Variants in DMXL1 observed in about 807,000 individuals in gnomAD.
DMXL1 encodes dmX-like protein 1.
In DMXL1, 99 loss-of-function variants were observed where a neutral mutation model predicts 319.2. The ratio of observed to expected loss-of-function variants is 0.31; its 90% CI spans 0.26 to 0.37. The LOEUF (loss-of-function observed/expected upper bound fraction) is 0.37, where lower values mean the gene tolerates loss of function less well. DMXL1 is among the 10% of genes least tolerant of loss of function. The probability of loss-of-function intolerance (pLI) is 1.00; values close to 1 mark genes in which losing one functional copy is unlikely to be tolerated. For synonymous variants in DMXL1, 1,385 were observed against 1,235.2 expected (o/e 1.12, Z -2.54); for missense variants, 3,745 against 3,595.6 (o/e 1.04, Z -1.06).
At chr5:119,126,732 A>C (rs1278664038) in intron 9 of DMXL1, 1 of 153,826 alleles carries the variant, frequency 6.5e-6, no homozygotes, top group African/African-American at 2.4e-5. Flanking sequence ...CAACTAATGC[A>C]TAACTGGTGG....
intron 13 of DMXL1, among the ~76,000 whole-genome samples, chr5:119,141,247 C>T (rs1322381160): frequency 6.6e-6 from 1 of 152,076 alleles, no homozygotes; most frequent in Non-Finnish European, 1.5e-5. Context: ...ATTGGAAGTG[C>T]TGGCCACAGC....
intron 8 of DMXL1, 129 bp from the exon 9 acceptor site, chr5:119,120,842 G>A (rs1761881634): frequency 4.7e-6 from 3 of 643,090 alleles, no homozygotes; most frequent in Admixed American, 7.0e-5. Flanking sequence ...ATGTTAAAAG[G>A]CGTTTTTACA....
chr5:119,119,546 T>C (rs1337294714), intron 8 of DMXL1, among the ~76,000 whole-genome samples: 6 of 151,986 alleles, frequency 3.9e-5, no homozygotes, highest in Admixed American at 3.9e-4. Context: ...TTTTTTTTTT[T>C]TTTTTCTGAG....
In DMXL1 at chr5:119,166,854, T is replaced by A. The variant is rs536763513; in HGVS notation, c.5136+73T>A. Reference sequence around the variant, plus strand: ...AAGCTCCTTAGTGCTTAAATTTTTATTTTTTTAAATTCAACTTTATTGGAA... The same window carrying A: ...AAGCTCCTTAGTGCTTAAATTTTTAATTTTTTAAATTCAACTTTATTGGAA... On this transcript the variant is annotated intron_variant, in intron 22 of 43. Transcript: ENST00000539542. 5.0e-4 allele frequency: 609 copies of A among 1,225,786 alleles called. 3 individuals carry two copies. The African/African-American group carries it at 7.7e-3, about 15-fold the overall frequency. The allele number at this position is 1,225,786 out of a possible 1,614,324, so 75.9% of individuals were successfully genotyped here. A position where few individuals can be genotyped will look rare whatever the true frequency, so the allele number is the denominator to read the frequency against.
chr5:119,141,815 TAAAA>T (rs1767417050), intron 13 of DMXL1, among the ~76,000 whole-genome samples: 1 of 151,614 alleles, frequency 6.6e-6, no homozygotes, highest in African/African-American at 2.4e-5. Flanking sequence ...AAGGCAATCG[TAAAA>T]AAAAGAACAG....
At chr5:119,179,328 A>G (rs564003698) in intron 28 of DMXL1, among the ~76,000 whole-genome samples, 35 of 147,816 alleles carry the variant, frequency 2.4e-4, no homozygotes, top group African/African-American at 1.5e-4. Flanking sequence ...AAAAAGCCCT[A>G]TGCATACATT....
chr5:119,131,832 T>C (rs1342106459), intron 10 of DMXL1, among the ~76,000 whole-genome samples: 11 of 152,226 alleles, frequency 7.2e-5, no homozygotes, highest in Admixed American at 5.2e-4. Context: ...CCATTTCTTA[T>C]TAATATGAAA....
chr5:119,202,885 T>TTTTA (rs1554139436), intron 32 of DMXL1, among the ~76,000 whole-genome samples: 15 of 130,772 alleles, frequency 1.1e-4, no homozygotes, highest in Non-Finnish European at 1.7e-4. Context: ...ATATATATTT[T>TTTTA]TATATATATA....
intron 8 of DMXL1, among the ~76,000 whole-genome samples, chr5:119,119,434 A>G (rs959046520): frequency 3.3e-5 from 5 of 152,138 alleles, no homozygotes; most frequent in African/African-American, 1.2e-4. Flanking sequence ...GTAAAAGTCA[A>G]TTTTTGATTT....
At chr5:119,103,995 A>G (rs1259016524) in intron 3 of DMXL1, 1 of 152,248 alleles carries the variant, frequency 6.6e-6, no homozygotes, top group Non-Finnish European at 1.5e-5. Flanking sequence ...TTGATGAAGA[A>G]GGGCAAAAGT....
Position 119,244,530 on chromosome 5 carries a change from C to G in DMXL1, c.8876C>G (p.Pro2959Arg). Residue 2959 changes from proline (P) to arginine (R), a missense_variant, in exon 43 of 44, where the codon CCA becomes CGA. By Grantham distance (103) the Pro-to-Arg change is moderately radical. Coordinates refer to ENST00000539542, the MANE Select transcript of DMXL1 (RefSeq NM_001290321.3). ...CCTGTTAAAGCCGTTGCTGTTGATC[C>G]AACTGAAGAGTACTTTGTTACAGGA... ...DSPVKAVAVDPTEEYFVTGSA... is the reference protein window; with the variant it reads ...DSPVKAVAVDRTEEYFVTGSA... The G allele has an allele frequency of 3.1e-6, 5 of 1,614,076 alleles. No homozygotes were observed. Among genetic ancestry groups the G allele is most frequent in the Non-Finnish European group, 4.2e-6 (5 of 1,179,974 alleles).
At chr5:119,165,873 G>A (rs998435154) in intron 21 of DMXL1, among the ~76,000 whole-genome samples, 3 of 152,226 alleles carry the variant, frequency 2.0e-5, no homozygotes, top group African/African-American at 7.2e-5. Context: ...AATTCAAGAT[G>A]AGATTTGGGT....
rs1762632904 is a variant in DMXL1, at chr5:119,123,260, C to T, written c.1102+2121C>T. Among the ~76,000 whole-genome samples the T allele has an allele frequency of 2.0e-5, 3 of 151,154 alleles. No homozygotes were observed. The South Asian group carries it at 6.3e-4, about 32-fold the overall frequency. ...TGAGCCGAGATGGCGGCAGTACAGT[C>T]CAGCTTCGGCTCGGCATCAGAGGGA... On this transcript the variant is annotated intron_variant, in intron 9 of 43. Transcript: ENST00000539542.
chr5:119,148,620 C>T (rs1769099586), intron 17 of DMXL1, 119 bp from the exon 18 acceptor site: 2 of 944,716 alleles, frequency 2.1e-6, no homozygotes, highest in Non-Finnish European at 3.2e-6. Context: ...AGCCAAGATG[C>T]CCCTTTGATT....
At chr5:119,192,795 A>G (rs977266149) in intron 29 of DMXL1, among the ~76,000 whole-genome samples, 1 of 151,942 alleles carries the variant, frequency 6.6e-6, no homozygotes, top group African/African-American at 2.4e-5. Flanking sequence ...TGACACATAA[A>G]TCTTGGTCTT....
Position 119,177,996 on chromosome 5 carries a change from G to A in DMXL1, c.6887G>A (p.Gly2296Glu), listed in dbSNP as rs1370011405. The A allele has an allele frequency of 1.3e-6, 2 of 1,595,682 alleles. No homozygotes were observed. Among genetic ancestry groups the A allele is most frequent in the Non-Finnish European group, 1.7e-6 (2 of 1,168,942 alleles). The change falls in exon 28 of 44, where the codon GGA becomes GAA. Residue 2296 changes from glycine to glutamate, a missense_variant and splice_region_variant. Physicochemically the swap from Gly to Glu is moderately conservative, Grantham distance 98. Coordinates refer to ENST00000539542, the MANE Select transcript of DMXL1 (RefSeq NM_001290321.3). Reference protein sequence around the residue: ...TPNTSPAQWPGITCLIRLLNS... With the variant: ...TPNTSPAQWPEITCLIRLLNS... ...CAGCTATGTTTGTTTGTCGTTCTAG[G>A]AATAACTTGTCTAATTCGACTTTTG...
chr5:119,239,863 A>G (rs911177087), intron 41 of DMXL1, among the ~76,000 whole-genome samples: 1 of 151,278 alleles, frequency 6.6e-6, no homozygotes, highest in Non-Finnish European at 1.5e-5. Context: ...GGGCTGAGGC[A>G]GGAGAATCGC....
At position 119,187,622 on chromosome 5, in the gene DMXL1, G is replaced by T. The variant is rs111612720; in HGVS notation, c.7136-2086G>T. 2.6e-5 allele frequency among the ~76,000 whole-genome samples: 4 copies of T among 152,042 alleles called. 1 individual carries two copies. Among genetic ancestry groups the T allele is most frequent in the African/African-American group, 9.7e-5 (4 of 41,410 alleles). On this transcript the variant is annotated intron_variant, in intron 28 of 43. Coordinates refer to ENST00000539542, the MANE Select transcript of DMXL1 (RefSeq NM_001290321.3). The stretch of plus-strand genomic sequence containing the variant: ...ACACATTCATTACTGTGAAACTGCC[G>T]ATTTTTTTTCCTTTGGTCCTGCTTC...
At chr5:119,115,139 A>G (rs897880249) in intron 6 of DMXL1, among the ~76,000 whole-genome samples, 2 of 150,984 alleles carry the variant, frequency 1.3e-5, no homozygotes, top group African/African-American at 5.0e-5. Context: ...TCTCATGTGT[A>G]ATATGAGGAT....
Sources: allele counts gnomAD v4.1 joint callset (sites outside exome capture counted in the v4.1 genomes callset), GRCh38; gene constraint gnomAD v4.1.1; transcripts MANE v1.5; gene names NCBI Gene and HGNC (gene_info 2026-07-23, HGNC 2026-07-21).